The following KCNB2 variants were observed in gnomAD, a reference collection of about 807,000 sequenced individuals.
KCNB2 encodes potassium voltage-gated channel subfamily B member 2, also known as delayed rectifier potassium channel protein.
Under a neutral mutation model 61.5 loss-of-function variants are expected in KCNB2, and 15 were observed. The observed-to-expected ratio is 0.24, with a 90% CI of 0.16 to 0.38. KCNB2 has a LOEUF of 0.38. Ranked by LOEUF, KCNB2 falls within the 10% of genes least tolerant of loss-of-function variation. The probability of loss-of-function intolerance (pLI) is 1.00; values close to 1 mark genes in which losing one functional copy is unlikely to be tolerated. For synonymous variants in KCNB2, 457 were observed against 446.0 expected, an observed-to-expected ratio of 1.02 and a Z score of -0.31; for missense variants, 828 against 1,125.2, an observed-to-expected ratio of 0.74 and a Z score of 3.78.
chr8:72,768,389 G>A (rs937360105), intron 2 of KCNB2, among the ~76,000 whole-genome samples: 1 of 152,088 alleles, frequency 6.6e-6, no homozygotes, highest in South Asian at 2.1e-4. Context: ...TGCCCAGGCT[G>A]GTCTCGAACT....
At chr8:72,768,870 A>G (rs1808513064) in intron 2 of KCNB2, among the ~76,000 whole-genome samples, 2 of 152,054 alleles carry the variant, frequency 1.3e-5, no homozygotes, top group Non-Finnish European at 2.9e-5. Flanking sequence ...TTTGAAAATT[A>G]AGTGACATGG....
At chr8:72,665,867 A>G (rs906427641) in intron 2 of KCNB2, among the ~76,000 whole-genome samples, 6 of 152,234 alleles carry the variant, frequency 3.9e-5, no homozygotes, top group Non-Finnish European at 8.8e-5. Context: ...CACTAACCAC[A>G]GTCAAATTTT....
intron 2 of KCNB2, among the ~76,000 whole-genome samples, chr8:72,715,372 C>T (rs1807415833): frequency 6.6e-6 from 1 of 152,170 alleles, no homozygotes; most frequent in Non-Finnish European, 1.5e-5. Context: ...TTTTCAGCAC[C>T]ACACCACACC....
intron 2 of KCNB2, among the ~76,000 whole-genome samples, chr8:72,598,991 A>C (rs1807245229): frequency 1.3e-5 from 2 of 152,250 alleles, no homozygotes; most frequent in Admixed American, 1.3e-4. Flanking sequence ...ATGGGTAGGA[A>C]GAATCAATAT....
At chr8:72,561,709 A>ATGTG (rs1356713207) in intron 1 of KCNB2, among the ~76,000 whole-genome samples, 4 of 21,696 alleles carry the variant, frequency 1.8e-4, no homozygotes, top group African/African-American at 5.2e-4. Context: ...ATATATATAT[A>ATGTG]TATATATATA....
chr8:72,903,528 CTA>C (rs1563418959), intron 2 of KCNB2, among the ~76,000 whole-genome samples: 1 of 152,184 alleles, frequency 6.6e-6, no homozygotes, highest in Non-Finnish European at 1.5e-5. Context: ...CTGCAGTGAG[CTA>C]TGATTGTGCC....
At chr8:72,708,123 C>T (rs1268269472) in intron 2 of KCNB2, among the ~76,000 whole-genome samples, 2 of 152,156 alleles carry the variant, frequency 1.3e-5, no homozygotes, top group African/African-American at 4.8e-5. Flanking sequence ...CAGTGGCTAA[C>T]CAACAGGATG....
intron 2 of KCNB2, among the ~76,000 whole-genome samples, chr8:72,767,057 G>A (rs1410902735): frequency 1.3e-5 from 2 of 152,010 alleles, no homozygotes; most frequent in Admixed American, 6.6e-5. Flanking sequence ...TCACTATCAC[G>A]AGAATAGCAT....
intron 2 of KCNB2, among the ~76,000 whole-genome samples, chr8:72,684,350 G>A (rs1371993174): frequency 6.6e-6 from 1 of 152,232 alleles, no homozygotes; most frequent in Non-Finnish European, 1.5e-5. Context: ...GTAGAAGGAT[G>A]TGAAAACCAG....
At chr8:72,644,142 C>T (rs1806094849) in intron 2 of KCNB2, among the ~76,000 whole-genome samples, 1 of 151,974 alleles carries the variant, frequency 6.6e-6, no homozygotes, top group African/African-American at 2.4e-5. Flanking sequence ...TGTATATGAA[C>T]CAATTGTTTT....
chr8:72,916,556 T>A (rs985722321), intron 2 of KCNB2, among the ~76,000 whole-genome samples: 4 of 152,226 alleles, frequency 2.6e-5, no homozygotes, highest in Admixed American at 1.3e-4. Context: ...TTAACTTTAC[T>A]GTCTGTGGAC....
intron 2 of KCNB2, among the ~76,000 whole-genome samples, chr8:72,786,700 G>A (rs1009272647): frequency 2.0e-5 from 3 of 152,174 alleles, no homozygotes; most frequent in Admixed American, 1.3e-4. Context: ...TCAGGGCCAG[G>A]AGAACTTGAG....
intron 2 of KCNB2, among the ~76,000 whole-genome samples, chr8:72,660,430 CA>C (rs1288260348): frequency 6.6e-6 from 1 of 152,192 alleles, no homozygotes. Flanking sequence ...CCATCACAAC[CA>C]GATGCTCCTT....
At chr8:72,890,094 G>A (rs1266825623) in intron 2 of KCNB2, among the ~76,000 whole-genome samples, 4 of 152,168 alleles carry the variant, frequency 2.6e-5, no homozygotes, top group African/African-American at 9.6e-5. Flanking sequence ...AAAGAAGGAT[G>A]GAGAACATGT....
chr8:72,655,790 A>G (rs1047512411), intron 2 of KCNB2, among the ~76,000 whole-genome samples: 12 of 152,132 alleles, frequency 7.9e-5, no homozygotes, highest in Non-Finnish European at 1.3e-4. Flanking sequence ...CATTATTCTA[A>G]AAGATGGCAT....
chr8:72,567,793 T>G lies in KCNB2; in HGVS notation c.59T>G (p.Leu20Arg). 6.2e-7 allele frequency: 1 copy of G among 1,610,404 alleles called. No homozygotes were observed. Among genetic ancestry groups the G allele is most frequent in the South Asian group, 1.1e-5 (1 of 90,216 alleles). ...NRKTSRSTLS[L>R]PPEPVDIIRS... Reference sequence around the variant, plus strand: ...AAGACTTCAAGGTCGACACTTTCCCTTCCTCCAGAGCCTGTGGACATTATC... The same window carrying G: ...AAGACTTCAAGGTCGACACTTTCCCGTCCTCCAGAGCCTGTGGACATTATC... Residue 20 changes from leucine (L) to arginine (R), a missense_variant, in exon 2 of 3, where the codon CTT becomes CGT. By Grantham distance (102) the Leu-to-Arg change is moderately radical. Transcript: ENST00000523207.
chr8:72,702,053 GA>G (rs986555486), intron 2 of KCNB2, among the ~76,000 whole-genome samples: 2 of 151,820 alleles, frequency 1.3e-5, no homozygotes, highest in African/African-American at 2.4e-5. Context: ...CTTAACTTAG[GA>G]AAAAAAATAC....
At chr8:72,606,706 G>A (rs147503713) in intron 2 of KCNB2, among the ~76,000 whole-genome samples, 20 of 152,238 alleles carry the variant, frequency 1.3e-4, no homozygotes, top group East Asian at 1.9e-4. Context: ...TGAATAGTCC[G>A]CCAGGATGGG....
At chr8:72,775,128 G>A (rs1808626817) in intron 2 of KCNB2, among the ~76,000 whole-genome samples, 1 of 152,132 alleles carries the variant, frequency 6.6e-6, no homozygotes, top group African/African-American at 2.4e-5. Flanking sequence ...TGGCCTCTGA[G>A]GCAGAGGAAG....
Sources: gnomAD v4.1 joint callset for allele counts (sites outside exome capture counted in the v4.1 genomes callset) on GRCh38, gnomAD v4.1.1 for gene constraint, MANE v1.5 for transcripts, NCBI Gene and HGNC (gene_info 2026-07-23, HGNC 2026-07-21) for gene names.